LAMA2: variants seen among roughly 807,000 people sequenced by gnomAD.
The protein encoded by LAMA2 is laminin subunit alpha 2.
Under a neutral mutation model 364.8 loss-of-function variants are expected in LAMA2, and 269 were observed. The ratio of observed to expected loss-of-function variants is 0.74; its 90% CI spans 0.67 to 0.82. The LOEUF (loss-of-function observed/expected upper bound fraction) is 0.82. Among genes scored for constraint, LAMA2 ranks in the 40% least tolerant of loss-of-function variants. The pLI is 0.00. For synonymous variants in LAMA2, 1,379 were observed against 1,370.6 expected (o/e 1.01, Z -0.14); for missense variants, 3,807 against 3,873.2 (o/e 0.98, Z 0.45).
intron 3 of LAMA2, among the ~76,000 whole-genome samples, chr6:129,094,483 C>A (rs1775050936): frequency 6.6e-6 from 1 of 152,102 alleles, no homozygotes; most frequent in Admixed American, 6.5e-5. Flanking sequence ...TTATTTTTAT[C>A]TATTATTCCA....
intron 4 of LAMA2, among the ~76,000 whole-genome samples, chr6:129,103,658 T>C (rs1775651859): frequency 6.6e-6 from 1 of 152,200 alleles, no homozygotes; most frequent in South Asian, 2.1e-4. Context: ...ATGGTTAAAC[T>C]GGGCTTCTGG....
At chr6:129,128,885 T>C (rs1777278470) in intron 4 of LAMA2, among the ~76,000 whole-genome samples, 1 of 152,266 alleles carries the variant, frequency 6.6e-6, no homozygotes, top group Admixed American at 6.5e-5. Flanking sequence ...TTATTAGTCT[T>C]AAGTGAAATA....
At chr6:129,237,753 A>G (rs1785094236) in intron 12 of LAMA2, among the ~76,000 whole-genome samples, 1 of 152,174 alleles carries the variant, frequency 6.6e-6, no homozygotes, top group Non-Finnish European at 1.5e-5. Flanking sequence ...AATTGAACCC[A>G]TATATTTTAG....
At chr6:129,219,893 A>G (rs147023003) in intron 12 of LAMA2, among the ~76,000 whole-genome samples, 18,673 of 149,858 alleles carry the variant, frequency 0.12, 1,325 homozygotes, top group East Asian at 0.31. Context: ...TGGGTGCAGC[A>G]CACCAGCATG....
At chr6:128,891,371 A>G (rs1469311119) in intron 1 of LAMA2, among the ~76,000 whole-genome samples, 1 of 152,056 alleles carries the variant, frequency 6.6e-6, no homozygotes, top group Non-Finnish European at 1.5e-5. Context: ...TGCATCAAAT[A>G]TATTTTTTCA....
At chr6:129,154,046 A>G (rs571480896) in intron 7 of LAMA2, among the ~76,000 whole-genome samples, 60 of 152,346 alleles carry the variant, frequency 3.9e-4, no homozygotes, top group African/African-American at 1.4e-3. Context: ...TGAATTTATT[A>G]ATACCTCCAA....
chr6:129,498,151 A>C (rs1785336659), intron 58 of LAMA2, among the ~76,000 whole-genome samples: 1 of 152,196 alleles, frequency 6.6e-6, no homozygotes, highest in Admixed American at 6.5e-5. Flanking sequence ...CTTTTACTTG[A>C]ATTTTATTGA....
At chr6:129,380,507 T>G (rs11754670) in intron 34 of LAMA2, among the ~76,000 whole-genome samples, 8,761 of 152,168 alleles carry the variant, frequency 0.058, 307 homozygotes, top group Middle Eastern at 0.14. Flanking sequence ...TACTAAGTAA[T>G]TCTCAAATCC....
Position 129,287,902 on chromosome 6 carries a change from T to C in LAMA2, c.2593T>C (p.Cys865Arg), listed in dbSNP as rs1789391199. The change falls in exon 19 of 65, where the codon TGC (cysteine) becomes CGC (arginine). Residue 865 changes from cysteine (C) to arginine (R), a missense_variant. Transcript: ENST00000421865. ...TGTACCTGGAGGATCATGTCAGCCA[T>C]GCCAATGCAATGACAACCTTGACTT... ...PSVPGGSCQP[C>R]QCNDNLDFSI... is the part of the protein sequence containing the mutation. 2 of 1,614,092 alleles carry C rather than the reference T, an allele frequency of 1.2e-6. No individual in the cohort carries two copies. Among genetic ancestry groups the C allele is most frequent in the Non-Finnish European group, 1.7e-6 (2 of 1,179,960 alleles).
chr6:128,993,577 C>T (rs931818290), intron 1 of LAMA2, among the ~76,000 whole-genome samples: 8 of 152,116 alleles, frequency 5.3e-5, no homozygotes, highest in African/African-American at 1.7e-4. Context: ...TGAAAATTAA[C>T]ATAGTCCTAA....
intron 34 of LAMA2, among the ~76,000 whole-genome samples, chr6:129,380,820 C>A (rs1164436519): frequency 6.6e-6 from 1 of 152,064 alleles, no homozygotes; most frequent in Non-Finnish European, 1.5e-5. Flanking sequence ...GGATTCTTGA[C>A]AATTTAGTAT....
intron 32 of LAMA2, among the ~76,000 whole-genome samples, chr6:129,363,186 C>T (rs1777565944): frequency 6.6e-6 from 1 of 152,168 alleles, no homozygotes; most frequent in Non-Finnish European, 1.5e-5. Context: ...TGCCTGTAGT[C>T]TCAACCACTC....
At chr6:128,896,081 A>C (rs1252143941) in intron 1 of LAMA2, among the ~76,000 whole-genome samples, 3 of 152,154 alleles carry the variant, frequency 2.0e-5, no homozygotes, top group African/African-American at 7.2e-5. Context: ...GTATAGATAT[A>C]TTGCTTATCA....
At position 128,930,561 on chromosome 6, in the gene LAMA2, A is replaced by G. The variant is rs1779408890; in HGVS notation, c.112+47204A>G. On this transcript the variant is annotated intron_variant, in intron 1 of 64. Coordinates refer to ENST00000421865, the MANE Select transcript of LAMA2 (RefSeq NM_000426.4). ...GATCAGTTCCCCCCACCCTTCACAC[A>G]TGGGCCCAAAATGTACACGGAGCAG... Among the ~76,000 whole-genome samples the G allele has an allele frequency of 2.0e-5, 3 of 151,844 alleles. No individual in the cohort carries two copies. The South Asian group carries it at 6.2e-4, about 32-fold the overall frequency.
chr6:129,075,424 G>C (rs1773572308), intron 3 of LAMA2, among the ~76,000 whole-genome samples: 1 of 152,172 alleles, frequency 6.6e-6, no homozygotes, highest in Non-Finnish European at 1.5e-5. Flanking sequence ...ACCCGCAGTG[G>C]TATTTAAGCA....
At position 129,019,048 on chromosome 6, in the gene LAMA2, T is replaced by C. The variant is rs191552462; in HGVS notation, c.113-30870T>C. Among the ~76,000 whole-genome samples the C allele has an allele frequency of 5.3e-4, 81 of 152,216 alleles. 1 individual carries two copies. The highest frequency in any genetic ancestry group is 1.9e-3 in the African/African-American group (79 of 41,574). On this transcript the variant is annotated intron_variant, in intron 1 of 64. Coordinates refer to ENST00000421865, the MANE Select transcript of LAMA2 (RefSeq NM_000426.4). ...CCTCTATGTTCTGCCTGAATTAGGA[T>C]TGATTATTCCCTATGCCCACTGTAC...
chr6:129,499,519 C>A (rs918761043), intron 58 of LAMA2, among the ~76,000 whole-genome samples: 1 of 152,118 alleles, frequency 6.6e-6, no homozygotes, highest in Non-Finnish European at 1.5e-5. Flanking sequence ...TCCTTAGTGA[C>A]AAGATCATTT....
intron 37 of LAMA2, among the ~76,000 whole-genome samples, chr6:129,394,425 C>T (rs1462047980): frequency 6.6e-6 from 1 of 152,210 alleles, no homozygotes; most frequent in African/African-American, 2.4e-5. Flanking sequence ...GGAAGAATTA[C>T]ATTTTTTTAA....
intron 3 of LAMA2, among the ~76,000 whole-genome samples, chr6:129,094,300 T>C (rs902513127): frequency 5.9e-5 from 9 of 152,242 alleles, no homozygotes; most frequent in African/African-American, 1.9e-4. Flanking sequence ...TAATTAATTT[T>C]GCATGGAATG....
Sources: allele counts gnomAD v4.1 joint callset (sites outside exome capture counted in the v4.1 genomes callset), GRCh38; gene constraint gnomAD v4.1.1; transcripts MANE v1.5; gene names NCBI Gene and HGNC (gene_info 2026-07-23, HGNC 2026-07-21).